Variants in ADGRF5 observed in about 807,000 individuals in gnomAD.
The protein encoded by ADGRF5 is G-protein coupled receptor 116.
In ADGRF5, 75 loss-of-function variants were observed where a neutral mutation model predicts 132.3. The observed-to-expected ratio is 0.57, with a 90% CI of 0.47 to 0.69. The LOEUF is 0.69. Ranked by LOEUF, ADGRF5 falls within the 30% of genes least tolerant of loss-of-function variation. ADGRF5 has a pLI of 0.00. For synonymous variants in ADGRF5, 629 were observed against 597.6 expected (o/e 1.05, Z -0.77); for missense variants, 1,516 against 1,630.6 (o/e 0.93, Z 1.21).
intron 1 of ADGRF5, among the ~76,000 whole-genome samples, chr6:46,917,243 C>T (rs186780318): frequency 6.6e-6 from 1 of 152,322 alleles, no homozygotes; most frequent in East Asian, 1.9e-4. Flanking sequence ...AAAGTCTGAA[C>T]TCTGACCTTT....
intron 1 of ADGRF5, among the ~76,000 whole-genome samples, chr6:46,941,352 AAG>A (rs1173200170): frequency 2.0e-5 from 3 of 151,352 alleles, no homozygotes; most frequent in African/African-American, 7.3e-5. Flanking sequence ...GAGAGAGAGA[AAG>A]AGAGAAAAGG....
intron 1 of ADGRF5, among the ~76,000 whole-genome samples, chr6:46,940,423 CCTT>C (rs1314980833): frequency 6.6e-6 from 1 of 152,188 alleles, no homozygotes; most frequent in Non-Finnish European, 1.5e-5. Flanking sequence ...TTCCAATTCT[CCTT>C]CTTTTGAGGG....
At chr6:46,876,689 G>T (rs557483847) in intron 10 of ADGRF5, among the ~76,000 whole-genome samples, 3 of 152,100 alleles carry the variant, frequency 2.0e-5, no homozygotes, top group African/African-American at 2.4e-5. Flanking sequence ...CTGCAACCTC[G>T]GCCTCTCGGG....
In ADGRF5 at chr6:46,858,546, C is replaced by T; in HGVS notation, c.3357G>A (p.Leu1119=). 6.2e-7 allele frequency: 1 copy of T among 1,613,834 alleles called. No individual in the cohort carries two copies. Among genetic ancestry groups the T allele is most frequent in the Non-Finnish European group, 8.5e-7 (1 of 1,179,876 alleles). ...TCTGAGTGGACCTGCTTGTTTCATG[C>T]AGAATGAAAACCAGGCGATAGAACA... ...LMLFYRLVFI[L]HETSRSTQKA... Residue 1119 remains leucine, a synonymous_variant, in exon 17 of 21, where the codon CTG becomes CTA. Coordinates refer to ENST00000283296, the MANE Select transcript of ADGRF5 (RefSeq NM_001098518.2).
chr6:46,858,078 T>G (rs757565103), intron 17 of ADGRF5, 51 bp downstream of exon 17: 12 of 1,339,992 alleles, frequency 9.0e-6, no homozygotes, highest in Non-Finnish European at 1.2e-5. Context: ...TATCATTAAT[T>G]TGTCCTACAG....
intron 9 of ADGRF5, among the ~76,000 whole-genome samples, chr6:46,878,800 C>T (rs1015296112): frequency 6.6e-6 from 1 of 152,154 alleles, no homozygotes; most frequent in Non-Finnish European, 1.5e-5. Flanking sequence ...ATGTCTATAG[C>T]CCACCTCATC....
In ADGRF5 at chr6:46,892,790, T is replaced by C. The variant is rs114121115; in HGVS notation, c.158-4285A>G. Among the ~76,000 whole-genome samples, 1,036 of 152,226 alleles carry C rather than the reference T, an allele frequency of 6.8e-3. 13 individuals carry two copies. Among genetic ancestry groups the C allele is most frequent in the African/African-American group, 0.024 (988 of 41,564 alleles). Reference sequence around the variant, plus strand: ...AAAGTTCACATTCAGGAAAAATGCATTGTGACCCATTGTCATTGACACTCA... The same window carrying C: ...AAAGTTCACATTCAGGAAAAATGCACTGTGACCCATTGTCATTGACACTCA... On this transcript the variant is annotated intron_variant, in intron 3 of 20. Coordinates refer to ENST00000283296, the MANE Select transcript of ADGRF5 (RefSeq NM_001098518.2).
intron 20 of ADGRF5, among the ~76,000 whole-genome samples, chr6:46,855,375 G>A (rs1768927510): frequency 6.6e-6 from 1 of 152,128 alleles, no homozygotes; most frequent in African/African-American, 2.4e-5. Context: ...ACAACTCTAT[G>A]AAGTCATAAT....
chr6:46,908,505 T>C (rs1451289468), intron 1 of ADGRF5, among the ~76,000 whole-genome samples: 1 of 152,114 alleles, frequency 6.6e-6, no homozygotes, highest in African/African-American at 2.4e-5. Context: ...AAGGAAGAAC[T>C]CACATACTAG....
intron 3 of ADGRF5, among the ~76,000 whole-genome samples, chr6:46,897,143 T>TAC (rs780714315): frequency 5.0e-4 from 62 of 123,498 alleles, no homozygotes; most frequent in East Asian, 2.3e-3. Flanking sequence ...CATGCATATA[T>TAC]ATACACACAC....
rs1411329969 is a variant in ADGRF5, at chr6:46,900,009, C to T, written c.157+20G>A. ...TTGAGTCAACTTATAAAAGGGATTG[C>T]CAAGCAAGAGTTTACATACCGGCTC... On this transcript the variant is annotated intron_variant, in intron 3 of 20. Transcript: ENST00000283296. The T allele has an allele frequency of 3.8e-6, 6 of 1,576,810 alleles. No individual in the cohort carries two copies. Among genetic ancestry groups the T allele is most frequent in the Non-Finnish European group, 5.2e-6 (6 of 1,146,008 alleles).
At chr6:46,896,430 C>A (rs1474058652) in intron 3 of ADGRF5, among the ~76,000 whole-genome samples, 1 of 152,128 alleles carries the variant, frequency 6.6e-6, no homozygotes. Context: ...AGCATCTGTG[C>A]CCCTGCCTTC....
intron 3 of ADGRF5, among the ~76,000 whole-genome samples, chr6:46,899,304 T>C (rs1335643895): frequency 2.6e-5 from 4 of 152,020 alleles, no homozygotes; most frequent in African/African-American, 7.2e-5. Flanking sequence ...GATTGGCTTT[T>C]AGTTCCAAGG....
At position 46,860,706 on chromosome 6, in the gene ADGRF5, C is replaced by A. The variant is rs1769637553; in HGVS notation, c.2379+9G>T. ...ACCCAAAACTCCTGCAAAGGTTAAGCAAACTCACCGTCATCATTTCTGAAT... is the reference window on the plus strand; with the variant it reads ...ACCCAAAACTCCTGCAAAGGTTAAGAAAACTCACCGTCATCATTTCTGAAT... On this transcript the variant is annotated intron_variant, in intron 16 of 20. Coordinates refer to ENST00000283296, the MANE Select transcript of ADGRF5 (RefSeq NM_001098518.2). The A allele has an allele frequency of 6.2e-7, 1 of 1,606,190 alleles. No individual in the cohort carries two copies.
intron 2 of ADGRF5, chr6:46,903,701 T>C (rs1451415541): frequency 6.6e-6 from 1 of 152,192 alleles, no homozygotes; most frequent in African/African-American, 2.4e-5. Context: ...TCGAAAACTG[T>C]CTGAGCAAGA....
intron 6 of ADGRF5, 81 bp from the exon 7 acceptor site, chr6:46,882,188 C>T: frequency 1.1e-6 from 1 of 913,120 alleles, no homozygotes; most frequent in Non-Finnish European, 1.8e-6. Flanking sequence ...GAGTAAAAAC[C>T]ACATATTCCT....
upstream of ADGRF5, among the ~76,000 whole-genome samples, chr6:46,922,869 T>G (rs1777051144): frequency 6.6e-6 from 1 of 152,224 alleles, no homozygotes; most frequent in African/African-American, 2.4e-5. Context: ...TAGGAACTGA[T>G]GCTTTAGTCC....
rs187039634 is a variant in ADGRF5, at chr6:46,918,461, A to T, written c.-25+3252T>A. On this transcript the variant is annotated intron_variant, in intron 1 of 20. Transcript: ENST00000283296. Reference sequence around the variant, plus strand: ...TATTCATATTTAGTTCAACCCAGAAAGTGGCAGCTCATGCAAAGGATAATC... The same window carrying T: ...TATTCATATTTAGTTCAACCCAGAATGTGGCAGCTCATGCAAAGGATAATC... 2.2e-3 allele frequency among the ~76,000 whole-genome samples: 331 copies of T among 152,354 alleles called. 1 individual carries two copies. The highest frequency in any genetic ancestry group is 7.8e-3 in the African/African-American group (324 of 41,580).
Position 46,853,966 on chromosome 6 carries a change from G to GT in ADGRF5, c.*25dup, listed in dbSNP as rs769586233. 6.7e-7 allele frequency: 1 copy of GT among 1,499,896 alleles called. No homozygotes were observed. The highest frequency in any genetic ancestry group is 1.2e-5 in the South Asian group (1 of 85,580). 92.9% of individuals were successfully genotyped at this position (1,499,896 alleles called of 1,614,324 possible). A position where few individuals can be genotyped will look rare whatever the true frequency, so the allele number is the denominator to read the frequency against. ...AAAGCACAGCCACTGTCCCCGGGAG[G>GT]TCACGTAGGTTGGATTATCCTGTTC... On this transcript the variant is annotated 3_prime_UTR_variant, in exon 21 of 21. Coordinates refer to ENST00000283296, the MANE Select transcript of ADGRF5 (RefSeq NM_001098518.2).
Sources: gnomAD v4.1 joint callset for allele counts (sites outside exome capture counted in the v4.1 genomes callset) on GRCh38, gnomAD v4.1.1 for gene constraint, MANE v1.5 for transcripts, NCBI Gene and HGNC (gene_info 2026-07-23, HGNC 2026-07-21) for gene names.